Variants in RUNX1T1 observed in about 807,000 individuals in gnomAD.
RUNX1T1 encodes protein CBFA2T1.
RUNX1T1 carries 4 observed loss-of-function variants against 62.8 expected under a neutral mutation model. That is an observed-to-expected ratio of 0.06 (90% CI 0.03 to 0.15). The LOEUF is 0.15. RUNX1T1 is among the 10% of genes least tolerant of loss of function. RUNX1T1 has a pLI of 1.00. For synonymous variants in RUNX1T1, 291 were observed against 286.0 expected (o/e 1.02, Z -0.18); for missense variants, 508 against 754.3 (o/e 0.67, Z 3.82).
chr8:92,040,176 C>T (rs1027034830), intron 1 of RUNX1T1, among the ~76,000 whole-genome samples: 6 of 152,186 alleles, frequency 3.9e-5, no homozygotes, highest in Non-Finnish European at 8.8e-5. Flanking sequence ...TATGATCTTT[C>T]AAGACACAGA....
intron 5 of RUNX1T1, chr8:91,994,469 T>A: frequency 2.9e-6 from 1 of 346,758 alleles, no homozygotes; most frequent in Non-Finnish European, 5.8e-6. Context: ...ATGAACGTAA[T>A]GCTAACACAG....
At chr8:92,043,603 T>C (rs1213623072) in intron 1 of RUNX1T1, among the ~76,000 whole-genome samples, 1 of 152,138 alleles carries the variant, frequency 6.6e-6, no homozygotes, top group Non-Finnish European at 1.5e-5. Flanking sequence ...AAAGATGGTA[T>C]ACATAAAATT....
chr8:92,078,472 G>A (rs559610286), intron 1 of RUNX1T1, among the ~76,000 whole-genome samples: 3 of 151,934 alleles, frequency 2.0e-5, no homozygotes, highest in Admixed American at 6.6e-5. Context: ...ACCTCATTAC[G>A]AGGGGAACAT....
At chr8:91,998,438 G>T (rs1819126767) in intron 5 of RUNX1T1, among the ~76,000 whole-genome samples, 2 of 152,100 alleles carry the variant, frequency 1.3e-5, no homozygotes, top group Admixed American at 1.3e-4. Context: ...TCTCTCCATT[G>T]CTAAACAACC....
At chr8:91,994,482 C>A in intron 5 of RUNX1T1, 1 of 386,226 alleles carries the variant, frequency 2.6e-6, no homozygotes, top group South Asian at 2.2e-5. Flanking sequence ...TAACACAGCA[C>A]CTACCTTACT....
intron 2 of RUNX1T1, among the ~76,000 whole-genome samples, chr8:92,068,973 A>T (rs1833276821): frequency 6.6e-6 from 1 of 152,220 alleles, no homozygotes; most frequent in Non-Finnish European, 1.5e-5. Context: ...GTCCAAAAAT[A>T]ATTATAGTAA....
downstream of RUNX1T1, chr8:91,957,582 C>T: frequency 4.3e-6 from 1 of 230,746 alleles, no homozygotes; most frequent in Non-Finnish European, 8.6e-6. Flanking sequence ...TTATTTTACA[C>T]ACTAGTGTTA....
chr8:92,083,936 C>A (rs1835683612), intron 1 of RUNX1T1, among the ~76,000 whole-genome samples: 1 of 152,146 alleles, frequency 6.6e-6, no homozygotes, highest in African/African-American at 2.4e-5. Flanking sequence ...AGAATGAGTT[C>A]ATGTCCTTTG....
At chr8:92,101,526 T>C (rs184210226), upstream of RUNX1T1, among the ~76,000 whole-genome samples, 2 of 152,204 alleles carry the variant, frequency 1.3e-5, no homozygotes, top group South Asian at 2.1e-4. Flanking sequence ...TAGGGCACGG[T>C]GGAATTTGTG....
chr8:92,002,282 C>T (rs1186452673), intron 5 of RUNX1T1, among the ~76,000 whole-genome samples: 1 of 151,942 alleles, frequency 6.6e-6, no homozygotes, highest in Non-Finnish European at 1.5e-5. Context: ...GAGACACTCC[C>T]CAGAGCTACA....
chr8:92,010,215 G>A (rs1485768229), intron 4 of RUNX1T1: 1 of 152,148 alleles, frequency 6.6e-6, no homozygotes, highest in African/African-American at 2.4e-5. Flanking sequence ...ACCTTCAAAG[G>A]GGAGTGCAAA....
chr8:92,076,458 A>T (rs2130781410), intron 1 of RUNX1T1, among the ~76,000 whole-genome samples: 1 of 152,260 alleles, frequency 6.6e-6, no homozygotes, highest in Admixed American at 6.5e-5. Flanking sequence ...GTTACATTTT[A>T]CCTGTTTCAA....
At chr8:91,957,223 T>G, downstream of RUNX1T1, 1 of 220,124 alleles carries the variant, frequency 4.5e-6, no homozygotes, top group East Asian at 6.6e-5. Context: ...AACAAAAGTT[T>G]TCTTTTCTTT....
intron 1 of RUNX1T1, among the ~76,000 whole-genome samples, chr8:92,097,337 A>G (rs1167384097): frequency 6.6e-6 from 1 of 152,216 alleles, no homozygotes; most frequent in Admixed American, 6.5e-5. Context: ...TGTCATTCTT[A>G]CATGTTTTAA....
chr8:92,087,103 T>C (rs936176662), intron 1 of RUNX1T1, among the ~76,000 whole-genome samples: 7 of 152,112 alleles, frequency 4.6e-5, no homozygotes, highest in African/African-American at 1.7e-4. Flanking sequence ...TATAAAGCAA[T>C]TTATTATAAA....
downstream of RUNX1T1, chr8:91,958,310 G>C (rs1809669443): frequency 5.1e-6 from 1 of 197,716 alleles, no homozygotes; most frequent in East Asian, 7.4e-5. Flanking sequence ...ACAACGAAGG[G>C]TTAATGGATT....
intron 5 of RUNX1T1, among the ~76,000 whole-genome samples, chr8:91,995,535 C>T (rs1191813255): frequency 6.6e-6 from 1 of 152,162 alleles, no homozygotes; most frequent in Non-Finnish European, 1.5e-5. Context: ...TACCTGTAGT[C>T]CTGGCACTTT....
intron 8 of RUNX1T1, chr8:91,977,545 A>G (rs1274978906): frequency 1.1e-5 from 2 of 188,962 alleles, no homozygotes; most frequent in East Asian, 1.7e-4. Flanking sequence ...AACTATTTCC[A>G]GAAGAAATAA....
upstream of RUNX1T1, chr8:92,102,948 G>GGGCGAGGACGC: frequency 6.7e-7 from 1 of 1,486,374 alleles, no homozygotes; most frequent in African/African-American, 1.4e-5. The surrounding 1 kb of genome is among the most constrained non-coding windows in gnomAD (Gnocchi z 4.5). Context: ...CGGGGCGACG[G>GGGCGAGGACGC]GGCGAGGACG....
Sources: gnomAD v4.1 joint callset for allele counts (sites outside exome capture counted in the v4.1 genomes callset) on GRCh38, gnomAD v4.1.1 for gene constraint, Gnocchi (gnomAD v3.1) non-coding constraint, MANE v1.5 for transcripts, NCBI Gene and HGNC (gene_info 2026-07-23, HGNC 2026-07-21) for gene names.